The following COL13A1 variants were observed in gnomAD, a reference collection of about 807,000 sequenced individuals.
The protein encoded by COL13A1 is collagen alpha-1(XIII) chain.
In COL13A1, 89 loss-of-function variants were observed where a neutral mutation model predicts 130.9. That is an observed-to-expected ratio of 0.68 (90% confidence interval 0.57 to 0.81). The LOEUF (loss-of-function observed/expected upper bound fraction) is 0.81, where lower values mean the gene tolerates loss of function less well. Ranked by LOEUF, COL13A1 falls within the 30% of genes least tolerant of loss-of-function variation. The pLI is 0.00. For synonymous variants in COL13A1, 402 were observed against 341.6 expected, an observed-to-expected ratio of 1.18 and a Z score of -1.95; for missense variants, 879 against 934.6, an observed-to-expected ratio of 0.94 and a Z score of 0.78.
intron 1 of COL13A1, among the ~76,000 whole-genome samples, chr10:69,810,354 GA>G (rs1842672565): frequency 1.8e-5 from 2 of 110,772 alleles, no homozygotes; most frequent in African/African-American, 9.3e-5. Flanking sequence ...GAATGAGAGA[GA>G]GAGAGAGAGA....
chr10:69,870,187 T>A (rs7091467), intron 3 of COL13A1, among the ~76,000 whole-genome samples: 927 of 91,516 alleles, frequency 0.01, 10 homozygotes, highest in African/African-American at 0.031. Context: ...ATATATATAT[T>A]TTTTTTACTT....
chr10:69,869,244 A>G (rs1261433718), intron 3 of COL13A1, among the ~76,000 whole-genome samples: 1 of 152,204 alleles, frequency 6.6e-6, no homozygotes, highest in Non-Finnish European at 1.5e-5. Context: ...GTCTTCACTC[A>G]GTCTCTGCCC....
At chr10:69,887,264 C>G (rs2060684528) in intron 7 of COL13A1, among the ~76,000 whole-genome samples, 192 bp from the exon 8 acceptor site, 1 of 152,196 alleles carries the variant, frequency 6.6e-6, no homozygotes, top group Non-Finnish European at 1.5e-5. Flanking sequence ...CCAGCCCCTG[C>G]AGGAGATTTC....
intron 1 of COL13A1, among the ~76,000 whole-genome samples, chr10:69,810,381 ACAGAGAGT>A (rs1370020819): frequency 2.6e-3 from 391 of 148,572 alleles, no homozygotes; most frequent in African/African-American, 5.6e-3. Flanking sequence ...AGAGAGAGAG[ACAGAGAGT>A]CTGTGTGGCC....
At position 69,895,574 on chromosome 10, in the gene COL13A1, C is replaced by G. The variant is rs755387933; in HGVS notation, c.682C>G (p.Arg228Gly). Residue 228 changes from arginine (R) to glycine (G), a missense_variant and splice_region_variant, in exon 13 of 41, where the codon CGG (arginine) becomes GGG (glycine). Arg to Gly is a moderately radical substitution (Grantham distance 125). Around this residue, in one of 3 missense-constraint regions of COL13A1, gnomAD observed 715 missense variants for 721.0 expected, o/e 0.99. Transcript: ENST00000645393. ...GGGTCAGTGTGGAGAGTACCCACACCGGGTAAGTGAACCCCTAAAATTTAG... is the reference window on the plus strand; with the variant it reads ...GGGTCAGTGTGGAGAGTACCCACACGGGGTAAGTGAACCCCTAAAATTTAG... The part of the protein sequence containing the change: ...EKGQCGEYPH[R>G]LLPLLNSVRL... 1 of 1,613,760 alleles carries G rather than the reference C, an allele frequency of 6.2e-7. No homozygotes were observed. Among genetic ancestry groups the G allele is most frequent in the Non-Finnish European group, 8.5e-7 (1 of 1,179,852 alleles).
intron 29 of COL13A1, 98 bp downstream of exon 29, chr10:69,930,185 GC>G: frequency 7.8e-7 from 1 of 1,290,002 alleles, no homozygotes; most frequent in Non-Finnish European, 1.1e-6. Flanking sequence ...CCTGGTGTGA[GC>G]CCAGTGGGCA....
At chr10:69,914,236 A>T (rs771247778) in intron 17 of COL13A1, among the ~76,000 whole-genome samples, 5 of 151,830 alleles carry the variant, frequency 3.3e-5, no homozygotes, top group Non-Finnish European at 5.9e-5. Context: ...ACCCACTGAG[A>T]CCCCTCCTAG....
At chr10:69,873,522 GCA>G (rs1311334962) in intron 4 of COL13A1, among the ~76,000 whole-genome samples, 1 of 152,214 alleles carries the variant, frequency 6.6e-6, no homozygotes, top group Non-Finnish European at 1.5e-5. Context: ...AAGGGCTGCT[GCA>G]CATAGTTTCC....
intron 7 of COL13A1, among the ~76,000 whole-genome samples, chr10:69,881,111 A>C (rs999705): frequency 6.6e-6 from 1 of 152,118 alleles, no homozygotes; most frequent in Non-Finnish European, 1.5e-5. Context: ...TGCTTCCTTA[A>C]GGACCAAAAC....
intron 17 of COL13A1, among the ~76,000 whole-genome samples, chr10:69,910,466 A>T (rs774491989): frequency 1.3e-5 from 2 of 152,058 alleles, no homozygotes; most frequent in Non-Finnish European, 2.9e-5. Flanking sequence ...ACAGGCTCTC[A>T]GTCTATGAAG....
chr10:69,888,956 C>G (rs1383622922), intron 9 of COL13A1, among the ~76,000 whole-genome samples: 1 of 152,172 alleles, frequency 6.6e-6, no homozygotes, highest in Admixed American at 6.5e-5. Flanking sequence ...GAATGCAGCC[C>G]CACTCACAGC....
intron 33 of COL13A1, 50 bp downstream of exon 33, chr10:69,936,832 G>A (rs765727286): frequency 6.2e-7 from 1 of 1,611,370 alleles, no homozygotes; most frequent in Non-Finnish European, 8.5e-7. Context: ...GTAGAAAAGA[G>A]GGAAAGTGCA....
chr10:69,838,451 C>T (rs1401388670), intron 2 of COL13A1, among the ~76,000 whole-genome samples: 1 of 152,240 alleles, frequency 6.6e-6, no homozygotes, highest in Non-Finnish European at 1.5e-5. Flanking sequence ...CCTCTACCTC[C>T]ATGCTGTCCT....
intron 1 of COL13A1, among the ~76,000 whole-genome samples, chr10:69,805,133 A>G (rs888692665): frequency 5.9e-5 from 9 of 152,120 alleles, no homozygotes; most frequent in Non-Finnish European, 1.2e-4. Context: ...CTGGAGAGAG[A>G]CGGGCAGCCC....
In COL13A1 at chr10:69,880,467, CCCTCGCTCCCTCTCCCCCTT is replaced by C. The variant is rs1564931988; in HGVS notation, c.463-31_463-12del. 1.1e-5 allele frequency: 14 copies of C among 1,219,246 alleles called. No homozygotes were observed. The African/African-American group carries it at 1.5e-4, about 13-fold the overall frequency. The allele number at this position is 1,219,246 out of a possible 1,614,324, so 75.5% of individuals were successfully genotyped here. On this transcript the variant is annotated splice_polypyrimidine_tract_variant and intron_variant, in intron 6 of 40. Coordinates refer to ENST00000645393, the MANE Select transcript of COL13A1 (RefSeq NM_001368882.1). ...GCTCCTCTTCTCCATACCTCCCTGC[CCCTCGCTCCCTCTCCCCCTT>C]CCTCTCTCCCCGCAGGGGTCCCCCG...
chr10:69,807,244 G>A (rs1334833217), intron 1 of COL13A1, among the ~76,000 whole-genome samples: 2 of 152,044 alleles, frequency 1.3e-5, no homozygotes, highest in African/African-American at 2.4e-5. Flanking sequence ...CTTCCCTAAG[G>A]GACTGACATT....
At chr10:69,896,912 T>G (rs1026960226) in intron 13 of COL13A1, among the ~76,000 whole-genome samples, 1 of 152,208 alleles carries the variant, frequency 6.6e-6, no homozygotes, top group African/African-American at 2.4e-5. Flanking sequence ...TTTGAAACGA[T>G]GGGCTCACGG....
chr10:69,840,433 G>T (rs1193500516), intron 2 of COL13A1, among the ~76,000 whole-genome samples: 1 of 152,208 alleles, frequency 6.6e-6, no homozygotes, highest in Non-Finnish European at 1.5e-5. Context: ...AGGAGCAAGA[G>T]GGGCTGGATG....
chr10:69,881,350 G>A (rs916076459), intron 7 of COL13A1, among the ~76,000 whole-genome samples: 2 of 152,170 alleles, frequency 1.3e-5, no homozygotes, highest in African/African-American at 4.8e-5. Flanking sequence ...AGGAGCCCCG[G>A]CCTCACCACA....
Sources: gnomAD v4.1 joint callset for allele counts (sites outside exome capture counted in the v4.1 genomes callset) on GRCh38, gnomAD v4.1.1 for gene constraint, gnomAD v4.1.1 regional missense constraint, MANE v1.5 for transcripts, NCBI Gene and HGNC (gene_info 2026-07-23, HGNC 2026-07-21) for gene names.